Variants in IQSEC1 observed in about 807,000 individuals in gnomAD.
IQSEC1 encodes IQ motif and SEC7 domain-containing protein 1.
IQSEC1 carries 31 observed loss-of-function variants against 91.0 expected under a neutral mutation model. The observed-to-expected ratio is 0.34, with a 90% CI of 0.26 to 0.46. IQSEC1 has a LOEUF of 0.46. IQSEC1 is among the 20% of genes least tolerant of loss of function. The pLI, the probability that IQSEC1 is intolerant of heterozygous loss-of-function variation, is 1.00. For missense variants in IQSEC1, 1,388 were observed against 1,575.6 expected (o/e 0.88, Z 2.02); for synonymous variants, 699 against 662.6 (o/e 1.05, Z -0.84).
At chr3:13,179,707 C>A (rs1047264228) in intron 1 of IQSEC1, among the ~76,000 whole-genome samples, 3 of 152,274 alleles carry the variant, frequency 2.0e-5, no homozygotes, top group African/African-American at 7.2e-5. Context: ...CCTTTCTGGG[C>A]TGGCCAAGGC....
At chr3:13,009,667 ATG>A (rs3072722) in intron 1 of IQSEC1, among the ~76,000 whole-genome samples, 50,630 of 149,992 alleles carry the variant, frequency 0.34, 9,521 homozygotes, top group East Asian at 0.51. Flanking sequence ...GTATATATAT[ATG>A]TGTGTGTGTG....
chr3:12,966,961 C>T (rs1700612018), intron 1 of IQSEC1, among the ~76,000 whole-genome samples: 1 of 152,162 alleles, frequency 6.6e-6, no homozygotes, highest in African/African-American at 2.4e-5. Flanking sequence ...CAGGCACAGA[C>T]CCGCTGGGCA....
In IQSEC1 at chr3:12,909,923, C is replaced by T. The variant is rs1386400850; in HGVS notation, c.2417-489G>A. 6.6e-5 allele frequency among the ~76,000 whole-genome samples: 10 copies of T among 152,204 alleles called. No individual in the cohort carries two copies. Among genetic ancestry groups the T allele is most frequent in the African/African-American group, 1.9e-4 (8 of 41,448 alleles). ...CTTTGGTCTCCTGGCGGTGCTGCTCCGGCAGTGGGAGTCACTGGCAGAGCA... is the reference window on the plus strand; with the variant it reads ...CTTTGGTCTCCTGGCGGTGCTGCTCTGGCAGTGGGAGTCACTGGCAGAGCA... On this transcript the variant is annotated intron_variant, in intron 10 of 13. Coordinates refer to ENST00000613206, the MANE Select transcript of IQSEC1 (RefSeq NM_001134382.3). The surrounding 1 kb of genome is among the most constrained non-coding windows in gnomAD (Gnocchi z 4.9).
chr3:12,899,214 A>T lies in IQSEC1; in HGVS notation c.*1769T>A. 1 of 669,850 alleles carries T rather than the reference A, an allele frequency of 1.5e-6. No individual in the cohort carries two copies. The highest frequency in any genetic ancestry group is 2.5e-6 in the Non-Finnish European group (1 of 392,966). 41.5% of individuals were successfully genotyped at this position (669,850 alleles called of 1,614,324 possible). ...CAAAACCCTGGCCAGCCAGCCAGCC[A>T]AGGTGACACACAGCCAGAGGGGGCT... is the stretch of plus-strand genomic sequence containing the variant. On this transcript the variant is annotated 3_prime_UTR_variant, in exon 14 of 14. Coordinates refer to ENST00000613206, the MANE Select transcript of IQSEC1 (RefSeq NM_001134382.3).
chr3:12,905,655 G>A (rs1289121725), intron 12 of IQSEC1, among the ~76,000 whole-genome samples: 1 of 152,240 alleles, frequency 6.6e-6, no homozygotes, highest in East Asian at 1.9e-4. Context: ...GCAAGAGGAA[G>A]CACCACCCTC....
At chr3:12,917,319 G>A (rs947298782) in intron 6 of IQSEC1, among the ~76,000 whole-genome samples, 1 of 152,130 alleles carries the variant, frequency 6.6e-6, no homozygotes, top group Admixed American at 6.5e-5. Flanking sequence ...TTGGGCAAAC[G>A]TAGAACGACC....
chr3:13,043,811 T>C (rs1704381736), intron 1 of IQSEC1, among the ~76,000 whole-genome samples: 1 of 152,156 alleles, frequency 6.6e-6, no homozygotes, highest in Non-Finnish European at 1.5e-5. Context: ...TCTGGCCGCT[T>C]TGGGGCCCAG....
Position 12,948,534 on chromosome 3 carries a change from C to T in IQSEC1, c.24-6669G>A, listed in dbSNP as rs55899627. Among the ~76,000 whole-genome samples the T allele has an allele frequency of 2.4e-3, 363 of 152,344 alleles. 3 individuals are homozygous for T. Among genetic ancestry groups the T allele is most frequent in the African/African-American group, 8.2e-3 (340 of 41,576 alleles). On this transcript the variant is annotated intron_variant, in intron 1 of 13. Coordinates refer to ENST00000613206, the MANE Select transcript of IQSEC1 (RefSeq NM_001134382.3). ...ACCTGTTGGATGCCACGTCCCGACTCGCCAGGGAATGAGTCAGGGCTGGGG... is the reference window on the plus strand; with the variant it reads ...ACCTGTTGGATGCCACGTCCCGACTTGCCAGGGAATGAGTCAGGGCTGGGG...
At chr3:12,993,236 C>A (rs970652353) in intron 1 of IQSEC1, among the ~76,000 whole-genome samples, 77 of 152,312 alleles carry the variant, frequency 5.1e-4, no homozygotes, top group African/African-American at 1.8e-3. Context: ...GTCTCTTCCC[C>A]ACGTGGTAAT....
chr3:13,018,237 G>A lies in IQSEC1; in HGVS notation c.23+54755C>T, dbSNP rs555868927. 2.7e-4 allele frequency among the ~76,000 whole-genome samples: 41 copies of A among 152,292 alleles called. No individual in the cohort carries two copies. The South Asian group carries it at 8.5e-3, about 32-fold the overall frequency. On this transcript the variant is annotated intron_variant, in intron 1 of 13. Coordinates refer to ENST00000613206, the MANE Select transcript of IQSEC1 (RefSeq NM_001134382.3). ...AACGCCCACTGGCCCTCCTGCAGAG[G>A]GGCATCAGATGGCTAATTGTCCAGG...
rs2125341109 is a variant in IQSEC1, at chr3:12,940,071, G to T, written c.318+1500C>A. ...AATTCTCTTCAAAGGCCTCTATTAA[G>T]TCCCAACCTTTCTCCTTTCTGTTTA... On this transcript the variant is annotated intron_variant, in intron 2 of 13. Coordinates refer to ENST00000613206, the MANE Select transcript of IQSEC1 (RefSeq NM_001134382.3). The surrounding 1 kb of genome is among the most constrained non-coding windows in gnomAD (Gnocchi z 4.4). Among the ~76,000 whole-genome samples the T allele has an allele frequency of 6.6e-6, 1 of 152,320 alleles. No individual in the cohort carries two copies. Among genetic ancestry groups the T allele is most frequent in the African/African-American group, 2.4e-5 (1 of 41,576 alleles).
At chr3:13,225,237 C>A (rs1326492159) in intron 1 of IQSEC1, among the ~76,000 whole-genome samples, 2 of 152,230 alleles carry the variant, frequency 1.3e-5, no homozygotes, top group Non-Finnish European at 2.9e-5. Context: ...TGTCCCCTAA[C>A]CAAGTGGACT....
intron 2 of IQSEC1, among the ~76,000 whole-genome samples, chr3:13,154,086 G>A (rs867707548): frequency 2.6e-5 from 4 of 151,976 alleles, no homozygotes; most frequent in Non-Finnish European, 5.9e-5. Context: ...GGCCTGTTAT[G>A]CATATAGAAA....
chr3:12,942,047 C>T (rs1389187934), intron 1 of IQSEC1, among the ~76,000 whole-genome samples, 182 bp from the exon 2 acceptor site: 1 of 151,978 alleles, frequency 6.6e-6, no homozygotes, highest in Non-Finnish European at 1.5e-5. Context: ...ACTCAGCACC[C>T]CACCCACTCG....
chr3:13,056,088 G>A (rs1393302913), intron 1 of IQSEC1, among the ~76,000 whole-genome samples: 3 of 152,162 alleles, frequency 2.0e-5, no homozygotes, highest in Admixed American at 6.6e-5. Context: ...CTTCTCCTGG[G>A]CTTGCCTGGG....
At chr3:13,042,957 C>A (rs544540353) in intron 1 of IQSEC1, among the ~76,000 whole-genome samples, 1 of 152,112 alleles carries the variant, frequency 6.6e-6, no homozygotes, top group Non-Finnish European at 1.5e-5. Context: ...TCGGCCTGTG[C>A]GAGGGAAAAC....
Position 12,992,017 on chromosome 3 carries a change from C to T in IQSEC1, c.24-50152G>A, listed in dbSNP as rs911230493. On this transcript the variant is annotated intron_variant, in intron 1 of 13. Transcript: ENST00000613206. This position sits in a 1 kb window ranked among gnomAD's most constrained non-coding sequence, Gnocchi z 4.1. Reference sequence around the variant, plus strand: ...TAATGTTTGCAAACCGTGCAGGAGACAGTCCCCTGCAGAGGTGAGCACAGG... The same window carrying T: ...TAATGTTTGCAAACCGTGCAGGAGATAGTCCCCTGCAGAGGTGAGCACAGG... Among the ~76,000 whole-genome samples the T allele has an allele frequency of 6.6e-6, 1 of 152,174 alleles. No individual in the cohort carries two copies. The highest frequency in any genetic ancestry group is 2.4e-5 in the African/African-American group (1 of 41,444).
At chr3:13,154,460 T>TATATATATATATATATATATAC (rs1707053083) in intron 2 of IQSEC1, among the ~76,000 whole-genome samples, 2 of 59,434 alleles carry the variant, frequency 3.4e-5, no homozygotes. Flanking sequence ...TATATATATA[T>TATATATATATATATATATATAC]ATATATATAT....
chr3:12,936,797 T>A, intron 2 of IQSEC1, 100 bp from the exon 3 acceptor site: 1 of 1,233,908 alleles, frequency 8.1e-7, no homozygotes, highest in Non-Finnish European at 1.1e-6. Context: ...CTGTGCGACC[T>A]GGGAAGGTCC....
Sources: gnomAD v4.1 joint callset for allele counts (sites outside exome capture counted in the v4.1 genomes callset) on GRCh38, gnomAD v4.1.1 for gene constraint, Gnocchi (gnomAD v3.1) non-coding constraint, MANE v1.5 for transcripts, NCBI Gene and HGNC (gene_info 2026-07-23, HGNC 2026-07-21) for gene names.